OR10Z1: variants seen among roughly 807,000 people sequenced by gnomAD.
OR10Z1 encodes the protein olfactory receptor 10Z1.
For synonymous variants in OR10Z1, 187 were observed against 151.2 expected (o/e 1.24, Z -1.74); for missense variants, 468 against 371.0 (o/e 1.26, Z -2.15).
rs547031696 is a variant in OR10Z1 at position 158,610,231 on chromosome 1, G to A, written c.*2851G>A. The A allele has an allele frequency of 6.6e-6, 1 of 152,248 alleles. No individual in the cohort carries two copies. Among genetic ancestry groups the A allele is most frequent in the African/African-American group, 2.4e-5 (1 of 41,548 alleles). 9.4% of individuals were successfully genotyped at this position (152,248 alleles called of 1,614,324 possible). A position where few individuals can be genotyped will look rare whatever the true frequency, so the allele number is the denominator to read the frequency against. ...GAGGAAGGGACTGAGACTTAAGATG[G>A]TAATCAAGTGGCAACATGAATGGAT... On this transcript the variant is annotated 3_prime_UTR_variant, in exon 2 of 2. Coordinates refer to ENST00000641002, the MANE Select transcript of OR10Z1 (RefSeq NM_001004478.2).
In OR10Z1 at chr1:158,606,426, T is replaced by C; in HGVS notation, c.-13T>C. The C allele has an allele frequency of 6.4e-7, 1 of 1,567,772 alleles. No homozygotes were observed. On this transcript the variant is annotated 5_prime_UTR_variant, in exon 2 of 2. Transcript: ENST00000641002. ...AAGAAATCAACAAATCTATCAGGGA[T>C]ATACCTCTCAGAATGGGGCAGACCA...
At position 158,605,280 on chromosome 1, in the gene OR10Z1, T is replaced by G. The variant is rs1195162987; in HGVS notation, c.-235T>G. On this transcript the variant is annotated 5_prime_UTR_variant, in exon 1 of 2. It adds an upstream start codon to the 5' untranslated region. Coordinates refer to ENST00000641002, the MANE Select transcript of OR10Z1 (RefSeq NM_001004478.2). ...CATCACACTGCTCAGAGTAGGAGATTTCAAGATGCATCTCAAGTCTTTCTC... is the reference window on the plus strand; with the variant it reads ...CATCACACTGCTCAGAGTAGGAGATGTCAAGATGCATCTCAAGTCTTTCTC... 1 of 152,406 alleles carries G rather than the reference T, an allele frequency of 6.6e-6. No individual in the cohort carries two copies. The highest frequency in any genetic ancestry group is 1.5e-5 in the Non-Finnish European group (1 of 68,044). The allele number at this position is 152,406 out of a possible 1,614,324, so 9.4% of individuals were successfully genotyped here. A position where few individuals can be genotyped will look rare whatever the true frequency, so the allele number is the denominator to read the frequency against.
chr1:158,607,978 G>T lies in OR10Z1; in HGVS notation c.*598G>T, dbSNP rs143561933. On this transcript the variant is annotated 3_prime_UTR_variant, in exon 2 of 2. Coordinates refer to ENST00000641002, the MANE Select transcript of OR10Z1 (RefSeq NM_001004478.2). ...TCAACTATTATTTCATATACAGTGG[G>T]GCACATGTGCTTATACATTCCTCAT... The T allele has an allele frequency of 6.6e-6, 1 of 151,768 alleles. No individual in the cohort carries two copies. Among genetic ancestry groups the T allele is most frequent in the African/African-American group, 2.4e-5 (1 of 41,252 alleles). 9.4% of individuals were successfully genotyped at this position (151,768 alleles called of 1,614,324 possible).
In OR10Z1 at chr1:158,611,579, A is replaced by C; in HGVS notation, c.*4199A>C. On this transcript the variant is annotated 3_prime_UTR_variant, in exon 2 of 2. Transcript: ENST00000641002. Reference sequence around the variant, plus strand: ...AATGAGTAACTTAACTTTTAATCTCAGCCCTTTCTTGAAAAAGAGAGCTTA... The same window carrying C: ...AATGAGTAACTTAACTTTTAATCTCCGCCCTTTCTTGAAAAAGAGAGCTTA... 3.6e-6 allele frequency: 2 copies of C among 562,388 alleles called. No homozygotes were observed. Among genetic ancestry groups the C allele is most frequent in the South Asian group, 2.3e-5 (1 of 43,914 alleles). 34.8% of individuals were successfully genotyped at this position (562,388 alleles called of 1,614,324 possible). A position where few individuals can be genotyped will look rare whatever the true frequency, so the allele number is the denominator to read the frequency against.
Position 158,607,093 on chromosome 1 carries a change from G to A in OR10Z1, c.655G>A (p.Ala219Thr), listed in dbSNP as rs761084191. Reference sequence around the variant, plus strand: ...CTTCTTCTTCATCACCATCTCCTACGCCTACATCTTGGCAGCAATACTGAG... The same window carrying A: ...CTTCTTCTTCATCACCATCTCCTACACCTACATCTTGGCAGCAATACTGAG... ...VSFFFITISY[A>T]YILAAILRIP... The change falls in exon 2 of 2, where the codon GCC becomes ACC. Residue 219 changes from alanine (A) to threonine (T), a missense_variant. Physicochemically the swap from Ala to Thr is moderately conservative, Grantham distance 58. Coordinates refer to ENST00000641002, the MANE Select transcript of OR10Z1 (RefSeq NM_001004478.2). 4.9e-5 allele frequency: 79 copies of A among 1,613,710 alleles called. 2 individuals are homozygous for A. Among genetic ancestry groups the A allele is most frequent in the Admixed American group, 4.2e-4 (25 of 59,954 alleles).
In OR10Z1 at chr1:158,607,085, T is replaced by A; in HGVS notation, c.647T>A (p.Ile216Asn). Residue 216 changes from isoleucine to asparagine, a missense_variant, in exon 2 of 2, where the codon ATC becomes AAC. By Grantham distance (149) the Ile-to-Asn change is moderately radical (BLOSUM62 -3). Transcript: ENST00000641002. ...TTGGTCTCCTTCTTCTTCATCACCA[T>A]CTCCTACGCCTACATCTTGGCAGCA... is the stretch of plus-strand genomic sequence containing the variant. ...VLLVSFFFIT[I>N]SYAYILAAIL... 1 of 1,613,934 alleles carries A rather than the reference T, an allele frequency of 6.2e-7. No homozygotes were observed. The highest frequency in any genetic ancestry group is 2.2e-5 in the East Asian group (1 of 44,852).
In OR10Z1 at chr1:158,611,387, G is replaced by T. The variant is rs1649252891; in HGVS notation, c.*4007G>T. 1.2e-6 allele frequency: 2 copies of T among 1,613,458 alleles called. No individual in the cohort carries two copies. Among genetic ancestry groups the T allele is most frequent in the Non-Finnish European group, 1.7e-6 (2 of 1,179,596 alleles). On this transcript the variant is annotated 3_prime_UTR_variant, in exon 2 of 2. Coordinates refer to ENST00000641002, the MANE Select transcript of OR10Z1 (RefSeq NM_001004478.2). ...AGAATGACACTTGCTCTGGGGTAAG[G>T]GCCTGAAAAGTATAAAAAGAGAAAA...
rs913140521 is a variant in OR10Z1 at position 158,607,417 on chromosome 1, T to C, written c.*37T>C. 4.6e-6 allele frequency: 7 copies of C among 1,530,250 alleles called. No homozygotes were observed. In the African/African-American group the frequency reaches 6.8e-5, roughly 15 times the overall value. 94.8% of individuals were successfully genotyped at this position (1,530,250 alleles called of 1,614,324 possible). On this transcript the variant is annotated 3_prime_UTR_variant, in exon 2 of 2. Coordinates refer to ENST00000641002, the MANE Select transcript of OR10Z1 (RefSeq NM_001004478.2). ...ATAGGACACTTTCTTCTGTGTAGGCTGGGCATAGACCAAGAACCCAAGCCA... is the reference window on the plus strand; with the variant it reads ...ATAGGACACTTTCTTCTGTGTAGGCCGGGCATAGACCAAGAACCCAAGCCA...
rs1425175015 is a variant in OR10Z1 at position 158,606,645 on chromosome 1, T to C, written c.207T>C (p.Ser69=). Residue 69 remains serine (S), a synonymous_variant, in exon 2 of 2, where the codon TCT becomes TCC. Transcript: ENST00000641002. ...TCTTCCTTTCCTTCCTATCCTTCTC[T>C]GAGACCTGCTACACTTTGGGCATCA... ...MYLFLSFLSF[S]ETCYTLGIIP... 5 of 1,613,882 alleles carry C rather than the reference T, an allele frequency of 3.1e-6. No individual in the cohort carries two copies. The African/African-American group carries it at 5.3e-5, about 17-fold the overall frequency.
At position 158,609,753 on chromosome 1, in the gene OR10Z1, T is replaced by C. The variant is rs1649157606; in HGVS notation, c.*2373T>C. On this transcript the variant is annotated 3_prime_UTR_variant, in exon 2 of 2. Transcript: ENST00000641002. ...TTGATTAAGTATGTGACTACGCGCT[T>C]AGAAAGGGCAAACTCTTCTTCCAGG... The C allele has an allele frequency of 6.6e-6, 1 of 152,170 alleles. No homozygotes were observed. Among genetic ancestry groups the C allele is most frequent in the African/African-American group, 2.4e-5 (1 of 41,452 alleles). 9.4% of individuals were successfully genotyped at this position (152,170 alleles called of 1,614,324 possible). A position where few individuals can be genotyped will look rare whatever the true frequency, so the allele number is the denominator to read the frequency against.
Position 158,611,499 on chromosome 1 carries a change from AC to A in OR10Z1, c.*4120del. On this transcript the variant is annotated 3_prime_UTR_variant, in exon 2 of 2. Coordinates refer to ENST00000641002, the MANE Select transcript of OR10Z1 (RefSeq NM_001004478.2). ...GCAGGAGATGGAGAGTCTCTGGAAG[AC>A]GCAAGCCCTATTTCTATTACACACA... 7.8e-7 allele frequency: 1 copy of A among 1,274,922 alleles called. No individual in the cohort carries two copies. The highest frequency in any genetic ancestry group is 1.1e-6 in the Non-Finnish European group (1 of 900,560). The allele number at this position is 1,274,922 out of a possible 1,614,324, so 79.0% of individuals were successfully genotyped here. A position where few individuals can be genotyped will look rare whatever the true frequency, so the allele number is the denominator to read the frequency against.
Position 158,610,356 on chromosome 1 carries a change from T to C in OR10Z1, c.*2976T>C, listed in dbSNP as rs1052645054. 3.3e-5 allele frequency: 5 copies of C among 152,170 alleles called. No homozygotes were observed. Among genetic ancestry groups the C allele is most frequent in the African/African-American group, 1.2e-4 (5 of 41,454 alleles). The allele number at this position is 152,170 out of a possible 1,614,324, so 9.4% of individuals were successfully genotyped here. ...CAGCAAATGACACCATTACCTTTTATAGATCAAATCAGAATGTCGGCATAT... is the reference window on the plus strand; with the variant it reads ...CAGCAAATGACACCATTACCTTTTACAGATCAAATCAGAATGTCGGCATAT... On this transcript the variant is annotated 3_prime_UTR_variant, in exon 2 of 2. Transcript: ENST00000641002.
Position 158,607,570 on chromosome 1 carries a change from C to T in OR10Z1, c.*190C>T. The T allele has an allele frequency of 2.0e-6, 1 of 501,008 alleles. No individual in the cohort carries two copies. Among genetic ancestry groups the T allele is most frequent in the Non-Finnish European group, 3.5e-6 (1 of 286,354 alleles). 31.0% of individuals were successfully genotyped at this position (501,008 alleles called of 1,614,324 possible). ...CAGAGGCGGGGCTTCCTGCTCTGCT[C>T]ACTGTGCACAACTCAAAATGAGCCC... On this transcript the variant is annotated 3_prime_UTR_variant, in exon 2 of 2. Transcript: ENST00000641002.
At position 158,606,468 on chromosome 1, in the gene OR10Z1, G is replaced by T; in HGVS notation, c.30G>T (p.Arg10Ser). MGQTNVTSW[R>S]DFVFLGFSSS... ...GGCAGACCAACGTAACCTCCTGGAG[G>T]GATTTTGTCTTCCTGGGCTTCTCCA... The change falls in exon 2 of 2, where the codon AGG becomes AGT. Residue 10 changes from arginine (R) to serine (S), a missense_variant. Transcript: ENST00000641002. 1 of 1,613,710 alleles carries T rather than the reference G, an allele frequency of 6.2e-7. No individual in the cohort carries two copies. The highest frequency in any genetic ancestry group is 2.2e-5 in the East Asian group (1 of 44,874).
Position 158,606,674 on chromosome 1 carries a change from C to T in OR10Z1, c.236C>T (p.Pro79Leu). Residue 79 changes from proline to leucine, a missense_variant, in exon 2 of 2, where the codon CCT (proline) becomes CTT (leucine). Transcript: ENST00000641002. ...ACCTGCTACACTTTGGGCATCATCC[C>T]TAGAATGCTCTCTGGCCTGGCTGGG... is the stretch of plus-strand genomic sequence containing the variant. Reference protein sequence around the residue: ...SETCYTLGIIPRMLSGLAGGD... With the variant: ...SETCYTLGIILRMLSGLAGGD... 6.2e-7 allele frequency: 1 copy of T among 1,614,034 alleles called. No individual in the cohort carries two copies. The highest frequency in any genetic ancestry group is 8.5e-7 in the Non-Finnish European group (1 of 1,179,952).
At position 158,606,927 on chromosome 1, in the gene OR10Z1, T is replaced by C. The variant is rs112838533; in HGVS notation, c.489T>C (p.Ile163=). The C allele has an allele frequency of 1.2e-5, 20 of 1,614,050 alleles. No individual in the cohort carries two copies. Among genetic ancestry groups the C allele is most frequent in the Middle Eastern group, 1.6e-4 (1 of 6,062 alleles). The change falls in exon 2 of 2, where the codon ATT becomes ATC. Residue 163 remains isoleucine, a synonymous_variant. Transcript: ENST00000641002. ...TTGGACTGGGAATGACACTAGTTAT[T>C]TTCCACCTCTCATTCTGCAGCTCCC... ...YLFGLGMTLV[I]FHLSFCSSHE...
chr1:158,606,976 G>T lies in OR10Z1; in HGVS notation c.538G>T (p.Asp180Tyr), dbSNP rs1649069217. The T allele has an allele frequency of 6.2e-7, 1 of 1,613,854 alleles. No individual in the cohort carries two copies. ...SSHEIQHFFC[D>Y]TPPVLSLACG... ...CCATGAAATCCAGCACTTTTTTTGTGACACGCCACCTGTGCTGAGCCTAGC... is the reference window on the plus strand; with the variant it reads ...CCATGAAATCCAGCACTTTTTTTGTTACACGCCACCTGTGCTGAGCCTAGC... Residue 180 changes from aspartate (D) to tyrosine (Y), a missense_variant, in exon 2 of 2, where the codon GAC becomes TAC. Transcript: ENST00000641002.
In OR10Z1 at chr1:158,609,540, T is replaced by A. The variant is rs1490120192; in HGVS notation, c.*2160T>A. On this transcript the variant is annotated 3_prime_UTR_variant, in exon 2 of 2. Transcript: ENST00000641002. ...GGATGTTTCAAGTATTGCTAAGTAA[T>A]ACTTAGAGGTCTAACTTCCACATGT... 6.6e-6 allele frequency: 1 copy of A among 152,184 alleles called. No homozygotes were observed. Among genetic ancestry groups the A allele is most frequent in the African/African-American group, 2.4e-5 (1 of 41,430 alleles). 9.4% of individuals were successfully genotyped at this position (152,184 alleles called of 1,614,324 possible).
chr1:158,607,551 C>T lies in OR10Z1; in HGVS notation c.*171C>T, dbSNP rs559611278. On this transcript the variant is annotated 3_prime_UTR_variant, in exon 2 of 2. Transcript: ENST00000641002. ...CCCCTGACTGCTTGGAATGCAGAGGCGGGGCTTCCTGCTCTGCTCACTGTG... is the reference window on the plus strand; with the variant it reads ...CCCCTGACTGCTTGGAATGCAGAGGTGGGGCTTCCTGCTCTGCTCACTGTG... The T allele has an allele frequency of 1.4e-5, 8 of 562,866 alleles. No individual in the cohort carries two copies. Among genetic ancestry groups the T allele is most frequent in the East Asian group, 5.7e-5 (2 of 35,330 alleles). The allele number at this position is 562,866 out of a possible 1,614,324, so 34.9% of individuals were successfully genotyped here.
Sources: allele counts gnomAD v4.1 joint callset, GRCh38; gene constraint gnomAD v4.1.1; transcripts MANE v1.5; gene names NCBI Gene and HGNC (gene_info 2026-07-23, HGNC 2026-07-21).